Variants in NHSL2 observed in about 807,000 individuals in gnomAD.
The protein encoded by NHSL2 is NHS-like protein 2.
In NHSL2, 27 loss-of-function variants were observed where a neutral mutation model predicts 53.4. The ratio of observed to expected loss-of-function variants is 0.51; its 90% CI spans 0.37 to 0.70. The LOEUF (loss-of-function observed/expected upper bound fraction) is 0.70, where lower values mean the gene tolerates loss of function less well. Among genes scored for constraint, NHSL2 ranks in the 30% least tolerant of loss-of-function variants. The pLI, the probability that NHSL2 is intolerant of heterozygous loss-of-function variation, is 0.00. For missense variants in NHSL2, 892 were observed against 980.1 expected (o/e 0.91, Z 1.20); for synonymous variants, 408 against 404.1 (o/e 1.01, Z -0.12).
At chrX:71,950,555 G>A (rs2041815665) in intron 1 of NHSL2, among the ~76,000 whole-genome samples, 1 of 112,514 alleles carries the variant, frequency 8.9e-6, no homozygotes, top group Non-Finnish European at 1.9e-5. Flanking sequence ...TATTGTGGCT[G>A]TTTCAGGGAG....
At chrX:71,937,270 G>A (rs1233087933) in intron 1 of NHSL2, among the ~76,000 whole-genome samples, 2 of 111,561 alleles carry the variant, frequency 1.8e-5, no homozygotes, top group Non-Finnish European at 3.8e-5. Context: ...GAGAGAGGGG[G>A]CTGTAGCCAG....
rs1387350741 is a variant in NHSL2 at position 72,144,647 on chromosome X, T to G, written c.*1073T>G. ...TTCCAAAAACCAAGAACATATAAAC[T>G]AAAAGGATCTATCCAAAATCTAAAA... is the stretch of plus-strand genomic sequence containing the variant. On this transcript the variant is annotated 3_prime_UTR_variant, in exon 8 of 8. Coordinates refer to ENST00000633930, the MANE Select transcript of NHSL2 (RefSeq NM_001013627.3). 1 of 681,766 alleles carries G rather than the reference T, an allele frequency of 1.5e-6. No homozygotes were observed. The allele number at this position is 681,766 out of a possible 1,213,427, so 56.2% of individuals were successfully genotyped here.
At chrX:71,957,837 T>C (rs1238110745) in intron 1 of NHSL2, among the ~76,000 whole-genome samples, 4 of 110,975 alleles carry the variant, frequency 3.6e-5, no homozygotes, top group Non-Finnish European at 7.6e-5. Flanking sequence ...CAACGATGAA[T>C]TGGCCTCCAT....
chrX:72,090,504 G>A lies in NHSL2; in HGVS notation c.281-41575G>A, dbSNP rs759336200. ...TTGTATAGTATTCCTTAGTAAGAAC[G>A]TACCACAATTTATTTAACCAATCCC... On this transcript the variant is annotated intron_variant, in intron 1 of 7. Coordinates refer to ENST00000633930, the MANE Select transcript of NHSL2 (RefSeq NM_001013627.3). Among the ~76,000 whole-genome samples, 139 of 111,934 alleles carry A rather than the reference G, an allele frequency of 1.2e-3. 2 individuals carry two copies. In the South Asian group the frequency reaches 0.014, roughly 12 times the overall value.
At chrX:71,982,649 A>G (rs921903911) in intron 1 of NHSL2, among the ~76,000 whole-genome samples, 1 of 111,991 alleles carries the variant, frequency 8.9e-6, no homozygotes, top group African/African-American at 3.3e-5. Flanking sequence ...AGCCTCCACA[A>G]AAACTCAAAA....
At chrX:72,132,052 C>G in intron 1 of NHSL2, 27 bp from the exon 2 acceptor site, 1 of 1,163,302 alleles carries the variant, frequency 8.6e-7, no homozygotes, top group Non-Finnish European at 1.1e-6. Context: ...CTCGCCTGCG[C>G]CTCTCACTGA....
At chrX:72,099,039 C>T (rs1299055937) in intron 1 of NHSL2, among the ~76,000 whole-genome samples, 1 of 112,106 alleles carries the variant, frequency 8.9e-6, no homozygotes, top group Non-Finnish European at 1.9e-5. Flanking sequence ...AAGAGATATC[C>T]TTCATTCTTC....
intron 1 of NHSL2, among the ~76,000 whole-genome samples, chrX:72,006,858 T>C (rs191524504): frequency 3.6e-5 from 4 of 112,650 alleles, no homozygotes; most frequent in African/African-American, 1.3e-4. Context: ...CAGTTTTTCG[T>C]ATACACCATG....
intron 1 of NHSL2, among the ~76,000 whole-genome samples, chrX:72,115,713 G>A (rs1336418511): frequency 9.0e-6 from 1 of 110,887 alleles, no homozygotes; most frequent in Non-Finnish European, 1.9e-5. Context: ...CCATTGTGGG[G>A]GGAAGGGTGA....
At chrX:72,076,121 T>TG (rs1222713358) in intron 1 of NHSL2, among the ~76,000 whole-genome samples, 1 of 110,545 alleles carries the variant, frequency 9.0e-6, no homozygotes, top group African/African-American at 3.3e-5. Flanking sequence ...TTAGTAGAGA[T>TG]GGGGTTTCTC....
chrX:72,076,743 C>G (rs1340802514), intron 1 of NHSL2, among the ~76,000 whole-genome samples: 1 of 112,475 alleles, frequency 8.9e-6, no homozygotes, highest in Non-Finnish European at 1.9e-5. Flanking sequence ...TACTTTCAAA[C>G]AATCTGGGCT....
intron 1 of NHSL2, among the ~76,000 whole-genome samples, chrX:72,098,443 T>C (rs1477483501): frequency 9.2e-6 from 1 of 109,223 alleles, no homozygotes; most frequent in Non-Finnish European, 1.9e-5. Context: ...TAGCCGGGCG[T>C]GGTGGCGGGC....
rs2042478999 is a variant in NHSL2 at position 72,148,270 on chromosome X, C to A, written c.*4696C>A. The A allele has an allele frequency of 8.9e-6, 1 of 111,974 alleles. No individual in the cohort carries two copies. The highest frequency in any genetic ancestry group is 3.2e-5 in the African/African-American group (1 of 30,829). 9.2% of individuals were successfully genotyped at this position (111,974 alleles called of 1,213,427 possible). ...AAGGTGAAACTGTCCAATCCATGTCCAATCAATGTCAGTCGTCCAGTATTG... is the reference window on the plus strand; with the variant it reads ...AAGGTGAAACTGTCCAATCCATGTCAAATCAATGTCAGTCGTCCAGTATTG... On this transcript the variant is annotated 3_prime_UTR_variant, in exon 8 of 8. Coordinates refer to ENST00000633930, the MANE Select transcript of NHSL2 (RefSeq NM_001013627.3).
rs2042521463 is a variant in NHSL2, at chrX:72,152,353, G to GCA, written c.*8780_*8781insAC. 1.0e-4 allele frequency: 6 copies of GCA among 58,508 alleles called. No homozygotes were observed. The highest frequency in any genetic ancestry group is 5.2e-4 in the South Asian group (1 of 1,922). The allele number at this position is 58,508 out of a possible 1,213,427, so 4.8% of individuals were successfully genotyped here. ...ACCATACATGCGTGTGTGCATGCGC[G>GCA]CGCGCACACACACACACACACACAC... On this transcript the variant is annotated 3_prime_UTR_variant, in exon 8 of 8. Transcript: ENST00000633930.
At chrX:71,968,859 C>T (rs951154676) in intron 1 of NHSL2, among the ~76,000 whole-genome samples, 1 of 112,212 alleles carries the variant, frequency 8.9e-6, no homozygotes, top group Admixed American at 9.5e-5. Context: ...TCTTTATCAT[C>T]TCTTGCTTAT....
intron 1 of NHSL2, among the ~76,000 whole-genome samples, chrX:72,045,912 C>T (rs1338577723): frequency 8.9e-6 from 1 of 112,051 alleles, no homozygotes; most frequent in Admixed American, 9.4e-5. Flanking sequence ...TTCCCAGTGC[C>T]AAGGGCCCAA....
chrX:71,997,122 C>T (rs900205094), intron 1 of NHSL2, among the ~76,000 whole-genome samples: 7 of 112,237 alleles, frequency 6.2e-5, no homozygotes, highest in African/African-American at 2.3e-4. Flanking sequence ...TCAAAGTTTC[C>T]TTTGTCTTCT....
rs191204334 is a variant in NHSL2, at chrX:72,094,066, G to A, written c.281-38013G>A. Among the ~76,000 whole-genome samples the A allele has an allele frequency of 4.6e-3, 509 of 111,717 alleles. 2 individuals are homozygous for A. Among genetic ancestry groups the A allele is most frequent in the Non-Finnish European group, 7.6e-3 (404 of 53,195 alleles). Reference sequence around the variant, plus strand: ...CAAAATGCTGGGATTACCGGTGTGAGCCACCGTGCCCAGCCCTAGTATAGC... The same window carrying A: ...CAAAATGCTGGGATTACCGGTGTGAACCACCGTGCCCAGCCCTAGTATAGC... On this transcript the variant is annotated intron_variant, in intron 1 of 7. Coordinates refer to ENST00000633930, the MANE Select transcript of NHSL2 (RefSeq NM_001013627.3).
chrX:72,065,759 G>T (rs1277949482), intron 1 of NHSL2, among the ~76,000 whole-genome samples: 1 of 112,335 alleles, frequency 8.9e-6, no homozygotes, highest in East Asian at 2.8e-4. Flanking sequence ...GGTTACACAG[G>T]TAGAAATGGC....
Sources: allele counts gnomAD v4.1 joint callset (sites outside exome capture counted in the v4.1 genomes callset), GRCh38; gene constraint gnomAD v4.1.1; transcripts MANE v1.5; gene names NCBI Gene and HGNC (gene_info 2026-07-23, HGNC 2026-07-21).